SPTBN1: variants seen among roughly 807,000 people sequenced by gnomAD.
SPTBN1 encodes spectrin beta chain, non-erythrocytic 1.
Under a neutral mutation model 266.4 loss-of-function variants are expected in SPTBN1, and 32 were observed. The ratio of observed to expected loss-of-function variants is 0.12; its 90% CI spans 0.09 to 0.16. The LOEUF (loss-of-function observed/expected upper bound fraction) is 0.16. SPTBN1 is among the 10% of genes least tolerant of loss of function. The pLI is 1.00. For synonymous variants in SPTBN1, 1,336 were observed against 1,162.2 expected, an observed-to-expected ratio of 1.15 and a Z score of -3.04; for missense variants, 2,296 against 3,067.1, an observed-to-expected ratio of 0.75 and a Z score of 5.94.
At chr2:54,588,229 G>T (rs758803885) in intron 2 of SPTBN1, among the ~76,000 whole-genome samples, 1 of 152,144 alleles carries the variant, frequency 6.6e-6, no homozygotes, top group Non-Finnish European at 1.5e-5. Flanking sequence ...CTCTTAAAAT[G>T]TAAAACCTGT....
intron 1 of SPTBN1, among the ~76,000 whole-genome samples, chr2:54,500,411 C>T (rs1457743358): frequency 6.6e-6 from 1 of 151,924 alleles, no homozygotes; most frequent in African/African-American, 2.4e-5. Context: ...TCATCTCGAT[C>T]CACTGTGTTA....
intron 7 of SPTBN1, among the ~76,000 whole-genome samples, chr2:54,620,762 T>C (rs1391152589): frequency 6.6e-6 from 1 of 152,104 alleles, no homozygotes; most frequent in East Asian, 1.9e-4. Context: ...GACAAATTGA[T>C]GGAAAAAAGG....
chr2:54,578,218 A>G (rs1489817463), intron 2 of SPTBN1, among the ~76,000 whole-genome samples: 1 of 152,222 alleles, frequency 6.6e-6, no homozygotes, highest in Non-Finnish European at 1.5e-5. Context: ...ATCGTTGAGC[A>G]TTTGCTACAC....
At chr2:54,655,318 A>G in intron 28 of SPTBN1, 110 bp downstream of exon 28, 1 of 1,372,910 alleles carries the variant, frequency 7.3e-7, no homozygotes, top group Admixed American at 2.4e-5. Context: ...TTATACACAC[A>G]CACATATGTT....
At chr2:54,466,358 C>T (rs75631271) in intron 1 of SPTBN1, among the ~76,000 whole-genome samples, 1 of 31,368 alleles carries the variant, frequency 3.2e-5, no homozygotes, top group Non-Finnish European at 5.2e-5. Context: ...GTTTATTCTT[C>T]GAGACCATCC....
At chr2:54,574,658 T>C (rs928837805) in intron 2 of SPTBN1, among the ~76,000 whole-genome samples, 1 of 152,170 alleles carries the variant, frequency 6.6e-6, no homozygotes, top group Non-Finnish European at 1.5e-5. Flanking sequence ...TGGGTCATGC[T>C]CATGTCAGGC....
chr2:54,661,861 T>C, intron 32 of SPTBN1: 1 of 985,402 alleles, frequency 1.0e-6, no homozygotes, highest in Non-Finnish European at 1.2e-6. Flanking sequence ...AGTGCTATGA[T>C]GTTCTTAGCA....
At chr2:54,517,919 C>T (rs1192017882) in intron 1 of SPTBN1, among the ~76,000 whole-genome samples, 2 of 150,750 alleles carry the variant, frequency 1.3e-5, no homozygotes, top group African/African-American at 4.9e-5. Flanking sequence ...GCTGGGATTA[C>T]AGGCATGAGC....
At chr2:54,643,150 T>G in intron 19 of SPTBN1, 21 bp downstream of exon 19, 1 of 1,613,236 alleles carries the variant, frequency 6.2e-7, no homozygotes, top group Non-Finnish European at 8.5e-7. Flanking sequence ...ACATTTGATG[T>G]GGCCATGGTG....
chr2:54,565,171 A>G (rs569597175), intron 2 of SPTBN1, among the ~76,000 whole-genome samples: 1 of 152,234 alleles, frequency 6.6e-6, no homozygotes, highest in Non-Finnish European at 1.5e-5. Flanking sequence ...GGTGCACACT[A>G]AAATTTGAGA....
At chr2:54,571,536 T>A (rs77424643) in intron 2 of SPTBN1, among the ~76,000 whole-genome samples, 4,744 of 147,300 alleles carry the variant, frequency 0.032, 233 homozygotes, top group African/African-American at 0.11. Context: ...TACTGTTCCC[T>A]AATTGTATGT....
intron 9 of SPTBN1, 122 bp downstream of exon 9, chr2:54,622,609 C>A (rs2103874692): frequency 8.9e-7 from 1 of 1,117,798 alleles, no homozygotes; most frequent in Non-Finnish European, 1.3e-6. Flanking sequence ...GTAGTGTGTC[C>A]TACTCCTTTT....
At chr2:54,509,364 G>A (rs1669736085) in intron 1 of SPTBN1, among the ~76,000 whole-genome samples, 1 of 150,028 alleles carries the variant, frequency 6.7e-6, no homozygotes, top group African/African-American at 2.5e-5. Context: ...GAAGGAGCCG[G>A]GGAGCAGAAA....
intron 2 of SPTBN1, among the ~76,000 whole-genome samples, chr2:54,530,801 GA>G (rs1425883830): frequency 1.3e-5 from 2 of 152,124 alleles, no homozygotes; most frequent in Non-Finnish European, 2.9e-5. Flanking sequence ...AAAACCAATG[GA>G]GTCTGCCGAG....
At chr2:54,517,107 G>A (rs1329316248) in intron 1 of SPTBN1, among the ~76,000 whole-genome samples, 1 of 129,912 alleles carries the variant, frequency 7.7e-6, no homozygotes, top group Non-Finnish European at 1.6e-5. Flanking sequence ...CTTAAGGTCT[G>A]AGTTGATGTT....
chr2:54,628,030 A>G lies in SPTBN1; in HGVS notation c.1645-67A>G. ...TCATTGCTGGCTCTCTGCTTGTCGA[A>G]AGATGATGTGATGCTGAAGTCAAGG... On this transcript the variant is annotated intron_variant, in intron 12 of 35. Transcript: ENST00000356805. This position sits in a 1 kb window ranked among gnomAD's most constrained non-coding sequence, Gnocchi z 4.3. The G allele has an allele frequency of 6.5e-7, 1 of 1,529,204 alleles. No individual in the cohort carries two copies. The highest frequency in any genetic ancestry group is 8.8e-7 in the Non-Finnish European group (1 of 1,133,724). 94.7% of individuals were successfully genotyped at this position (1,529,204 alleles called of 1,614,324 possible).
At chr2:54,623,776 A>G (rs1329370837) in intron 10 of SPTBN1, among the ~76,000 whole-genome samples, 180 bp downstream of exon 10, 1 of 152,214 alleles carries the variant, frequency 6.6e-6, no homozygotes, top group African/African-American at 2.4e-5. Context: ...GTACCGGGTT[A>G]GGCTGCTGGA....
chr2:54,505,975 T>C (rs1320841595), intron 1 of SPTBN1, among the ~76,000 whole-genome samples: 1 of 151,626 alleles, frequency 6.6e-6, no homozygotes, highest in Non-Finnish European at 1.5e-5. Context: ...AAACAAAAAA[T>C]TAGCTGGGCG....
At chr2:54,562,803 C>G (rs1005431204) in intron 2 of SPTBN1, among the ~76,000 whole-genome samples, 1 of 151,588 alleles carries the variant, frequency 6.6e-6, no homozygotes, top group African/African-American at 2.4e-5. Context: ...AGTGATTGGT[C>G]TGCCTCGGCC....
Sources: gnomAD v4.1 joint callset for allele counts (sites outside exome capture counted in the v4.1 genomes callset) on GRCh38, gnomAD v4.1.1 for gene constraint, Gnocchi (gnomAD v3.1) non-coding constraint, MANE v1.5 for transcripts, NCBI Gene and HGNC (gene_info 2026-07-23, HGNC 2026-07-21) for gene names.